Variants in CSMD3 observed in about 807,000 individuals in gnomAD.
CSMD3 encodes the protein CUB and Sushi multiple domains 3.
Under a neutral mutation model 435.2 loss-of-function variants are expected in CSMD3, and 177 were observed. The ratio of observed to expected loss-of-function variants is 0.41; its 90% CI spans 0.36 to 0.46. The LOEUF is 0.46. CSMD3 is among the 20% of genes least tolerant of loss of function. The pLI is 0.34. For synonymous variants in CSMD3, 1,656 were observed against 1,520.5 expected (o/e 1.09, Z -2.07); for missense variants, 4,265 against 4,504.6 (o/e 0.95, Z 1.52).
intron 70 of CSMD3, among the ~76,000 whole-genome samples, chr8:112,227,811 G>A (rs1812709331): frequency 6.6e-6 from 1 of 152,114 alleles, no homozygotes; most frequent in African/African-American, 2.4e-5. Flanking sequence ...GGGACGCCGA[G>A]GCGGGCGGAT....
At chr8:112,433,880 C>G (rs1281731596) in intron 32 of CSMD3, among the ~76,000 whole-genome samples, 1 of 151,632 alleles carries the variant, frequency 6.6e-6, no homozygotes, top group Non-Finnish European at 1.5e-5. Context: ...TCAATTACTT[C>G]TTTTATTTAT....
intron 20 of CSMD3, among the ~76,000 whole-genome samples, chr8:112,639,285 G>A (rs1363156597): frequency 2.6e-5 from 4 of 151,860 alleles, no homozygotes; most frequent in Admixed American, 1.3e-4. Context: ...CAATCCCTTC[G>A]ACCAACATAA....
At chr8:112,602,905 A>T (rs545509939) in intron 22 of CSMD3, among the ~76,000 whole-genome samples, 43 of 152,256 alleles carry the variant, frequency 2.8e-4, no homozygotes, top group Non-Finnish European at 5.3e-4. Flanking sequence ...CAAGCAATTC[A>T]CATTTTTGGG....
chr8:113,111,928 G>A (rs538593842), intron 4 of CSMD3, among the ~76,000 whole-genome samples: 5 of 152,038 alleles, frequency 3.3e-5, no homozygotes, highest in Admixed American at 2.0e-4. Context: ...CGATCTGCCC[G>A]CCTCAGCCTC....
At chr8:112,340,615 G>T (rs1824998317) in intron 42 of CSMD3, among the ~76,000 whole-genome samples, 4 of 152,012 alleles carry the variant, frequency 2.6e-5, no homozygotes, top group African/African-American at 9.6e-5. Flanking sequence ...AGTTTATTTT[G>T]ATTAAAAATT....
At chr8:112,368,024 C>T (rs1474142955) in intron 38 of CSMD3, among the ~76,000 whole-genome samples, 1 of 152,046 alleles carries the variant, frequency 6.6e-6, no homozygotes, top group Non-Finnish European at 1.5e-5. Flanking sequence ...TAGGGAACCT[C>T]AAAAATTTTC....
intron 12 of CSMD3, among the ~76,000 whole-genome samples, chr8:112,809,666 T>C (rs1386422715): frequency 6.6e-6 from 1 of 152,170 alleles, no homozygotes; most frequent in African/African-American, 2.4e-5. Flanking sequence ...AGCTAGGAAT[T>C]GGACTCCCAG....
At chr8:113,430,413 G>A (rs901541028) in intron 1 of CSMD3, among the ~76,000 whole-genome samples, 26 of 151,896 alleles carry the variant, frequency 1.7e-4, no homozygotes, top group African/African-American at 6.3e-4. Flanking sequence ...TAGGAAAGTT[G>A]AATTGCTAGT....
At chr8:113,298,510 C>T (rs2093739251) in intron 2 of CSMD3, among the ~76,000 whole-genome samples, 1 of 152,030 alleles carries the variant, frequency 6.6e-6, no homozygotes, top group Non-Finnish European at 1.5e-5. Flanking sequence ...TTAAAATCAG[C>T]AAGTATTTTA....
At chr8:113,225,231 G>A (rs117742284) in intron 3 of CSMD3, among the ~76,000 whole-genome samples, 7,458 of 151,472 alleles carry the variant, frequency 0.049, 269 homozygotes, top group Non-Finnish European at 0.075. Context: ...TTCCATTGAA[G>A]TATCATTTTG....
chr8:113,397,209 C>T (rs945628248), intron 1 of CSMD3, among the ~76,000 whole-genome samples: 1 of 152,102 alleles, frequency 6.6e-6, no homozygotes, highest in Non-Finnish European at 1.5e-5. Flanking sequence ...TTTTGTTAAT[C>T]TGAATGGTAA....
intron 2 of CSMD3, among the ~76,000 whole-genome samples, chr8:113,308,066 T>A (rs1001195643): frequency 6.6e-6 from 1 of 152,114 alleles, no homozygotes; most frequent in Non-Finnish European, 1.5e-5. Context: ...TGCAATAGAC[T>A]GCAATTTTTT....
At chr8:112,519,978 T>C (rs1346069796) in intron 27 of CSMD3, among the ~76,000 whole-genome samples, 1 of 152,106 alleles carries the variant, frequency 6.6e-6, no homozygotes, top group Non-Finnish European at 1.5e-5. Flanking sequence ...CATTTTAAAA[T>C]CAGACGAGCA....
chr8:112,841,004 A>G lies in CSMD3; in HGVS notation c.1756-11215T>C, dbSNP rs2080164246. On this transcript the variant is annotated intron_variant, in intron 11 of 70. Transcript: ENST00000297405. ...AATATATAATAATCTTATAGAATAT[A>G]AAGTCTTCAAACACTCATATGTGTT... Among the ~76,000 whole-genome samples, 3 of 151,704 alleles carry G rather than the reference A, an allele frequency of 2.0e-5. No homozygotes were observed. The South Asian group carries it at 6.2e-4, about 31-fold the overall frequency.
intron 11 of CSMD3, among the ~76,000 whole-genome samples, chr8:112,851,006 CATT>C (rs1392271091): frequency 2.6e-5 from 4 of 151,976 alleles, no homozygotes; most frequent in Admixed American, 1.3e-4. Flanking sequence ...TTTAATATAA[CATT>C]ATATTTTAGT....
chr8:113,207,598 G>C (rs752143386), intron 3 of CSMD3, among the ~76,000 whole-genome samples: 1 of 151,930 alleles, frequency 6.6e-6, no homozygotes, highest in Non-Finnish European at 1.5e-5. Context: ...GGCCAGGCTG[G>C]TCTCAAACTC....
intron 12 of CSMD3, among the ~76,000 whole-genome samples, chr8:112,803,585 G>C (rs182031438): frequency 6.6e-6 from 1 of 152,102 alleles, no homozygotes; most frequent in African/African-American, 2.4e-5. Flanking sequence ...AAAAGATGTA[G>C]AGTGGTCTCA....
chr8:113,391,411 T>G (rs936929364), intron 1 of CSMD3, among the ~76,000 whole-genome samples: 1 of 152,040 alleles, frequency 6.6e-6, no homozygotes, highest in Admixed American at 6.6e-5. Flanking sequence ...ATAATTAGTT[T>G]GTATATGAGA....
At chr8:112,596,099 A>C (rs1394559580) in intron 22 of CSMD3, among the ~76,000 whole-genome samples, 1 of 151,436 alleles carries the variant, frequency 6.6e-6, no homozygotes, top group South Asian at 2.1e-4. Flanking sequence ...AGACCCATCA[A>C]TGTGCTGTAT....
Sources: gnomAD v4.1 joint callset for allele counts (sites outside exome capture counted in the v4.1 genomes callset) on GRCh38, gnomAD v4.1.1 for gene constraint, MANE v1.5 for transcripts, NCBI Gene and HGNC (gene_info 2026-07-23, HGNC 2026-07-21) for gene names.